SCEL: variants seen among roughly 807,000 people sequenced by gnomAD.
SCEL encodes sciellin.
In SCEL, 113 loss-of-function variants were observed where a neutral mutation model predicts 117.6. The observed-to-expected ratio is 0.96, with a 90% CI of 0.83 to 1.12. The LOEUF is 1.12. Ranked by LOEUF, SCEL falls within the 50% of genes most tolerant of loss-of-function variation. SCEL has a pLI of 0.00. For synonymous variants in SCEL, 270 were observed against 256.2 expected, an observed-to-expected ratio of 1.05 and a Z score of -0.51; for missense variants, 785 against 810.8, an observed-to-expected ratio of 0.97 and a Z score of 0.39.
chr13:77,599,138 A>G (rs914691016), intron 13 of SCEL, among the ~76,000 whole-genome samples, 191 bp from the exon 14 acceptor site: 7 of 152,146 alleles, frequency 4.6e-5, no homozygotes, highest in Non-Finnish European at 8.8e-5. Flanking sequence ...TATATCTTTT[A>G]TTTTGTTTTC....
At chr13:77,566,405 G>A (rs1329148040) in intron 5 of SCEL, among the ~76,000 whole-genome samples, 1 of 151,118 alleles carries the variant, frequency 6.6e-6, no homozygotes, top group Admixed American at 6.8e-5. Flanking sequence ...CTAGGTATGA[G>A]ACAAGGAAAG....
At chr13:77,570,105 T>G (rs1346880998) in intron 8 of SCEL, among the ~76,000 whole-genome samples, 1 of 152,228 alleles carries the variant, frequency 6.6e-6, no homozygotes, top group Admixed American at 6.5e-5. Flanking sequence ...TTTACAAACA[T>G]CAGTGCTTTT....
intron 11 of SCEL, among the ~76,000 whole-genome samples, chr13:77,593,102 T>A (rs1195580176): frequency 6.6e-6 from 1 of 152,180 alleles, no homozygotes; most frequent in Admixed American, 6.6e-5. Context: ...TTGAACTCAC[T>A]TCTGTGTTTA....
intron 29 of SCEL, 64 bp downstream of exon 29, chr13:77,634,514 T>C (rs2090180594): frequency 1.7e-6 from 2 of 1,164,178 alleles, no homozygotes; most frequent in Admixed American, 3.6e-5. Context: ...CTATGTTTAA[T>C]AAGAGATGCT....
intron 9 of SCEL, 152 bp downstream of exon 9, chr13:77,572,341 G>A: frequency 1.6e-6 from 1 of 621,888 alleles, no homozygotes; most frequent in South Asian, 1.7e-5. Flanking sequence ...GTGGTTGTAA[G>A]GTCAGGGCTA....
intron 27 of SCEL, among the ~76,000 whole-genome samples, chr13:77,624,193 C>T (rs1211003658): frequency 6.6e-6 from 1 of 151,436 alleles, no homozygotes. Flanking sequence ...CAGCCTCCTC[C>T]TCCCCCAGTT....
At chr13:77,597,024 T>C (rs994960090) in intron 12 of SCEL, 2 of 152,348 alleles carry the variant, frequency 1.3e-5, no homozygotes, top group African/African-American at 4.8e-5. Flanking sequence ...CCAGACTTAC[T>C]GATGAACAAA....
intron 12 of SCEL, among the ~76,000 whole-genome samples, chr13:77,594,069 C>T (rs1250352174): frequency 6.6e-6 from 1 of 152,142 alleles, no homozygotes; most frequent in Non-Finnish European, 1.5e-5. Flanking sequence ...TCTAAAATGT[C>T]CCTCATGTGT....
chr13:77,595,069 A>G (rs1241979236), intron 12 of SCEL, among the ~76,000 whole-genome samples: 1 of 152,288 alleles, frequency 6.6e-6, no homozygotes, highest in East Asian at 1.9e-4. Flanking sequence ...GGTGATCGGG[A>G]TATCTGAGAA....
intron 9 of SCEL, among the ~76,000 whole-genome samples, chr13:77,581,593 A>G (rs2086267307): frequency 6.6e-6 from 1 of 152,212 alleles, no homozygotes; most frequent in South Asian, 2.1e-4. Flanking sequence ...TCTAGGTTCA[A>G]AAGTAGGATA....
chr13:77,611,366 C>A (rs1005910121), intron 22 of SCEL, among the ~76,000 whole-genome samples: 3 of 152,182 alleles, frequency 2.0e-5, no homozygotes, highest in Non-Finnish European at 4.4e-5. Context: ...TGAAGAGAAT[C>A]AAATCTGACT....
At position 77,620,198 on chromosome 13, in the gene SCEL, A is replaced by G. The variant is rs184746632; in HGVS notation, c.1628+2138A>G. ...GAATCCACTGGGATGTTCAAGAATT[A>G]TCACAAAGCAGACAAACAGGAAAGA... On this transcript the variant is annotated intron_variant, in intron 27 of 32. Coordinates refer to ENST00000349847, the MANE Select transcript of SCEL (RefSeq NM_144777.3). Among the ~76,000 whole-genome samples the G allele has an allele frequency of 1.7e-3, 262 of 152,326 alleles. 2 individuals are homozygous for G. The highest frequency in any genetic ancestry group is 1.1e-3 in the Non-Finnish European group (78 of 68,018).
intron 1 of SCEL, among the ~76,000 whole-genome samples, chr13:77,546,147 G>A (rs991034389): frequency 1.3e-5 from 2 of 152,222 alleles, no homozygotes; most frequent in East Asian, 1.9e-4. Context: ...TCATTGGGGA[G>A]TGAGTTTTGA....
chr13:77,542,693 G>A (rs1019209248), intron 1 of SCEL, among the ~76,000 whole-genome samples: 13 of 152,140 alleles, frequency 8.5e-5, no homozygotes, highest in African/African-American at 3.1e-4. Context: ...GATTTAAATA[G>A]ACTTGTTAAT....
At chr13:77,611,207 T>C (rs2088621745) in intron 22 of SCEL, among the ~76,000 whole-genome samples, 1 of 152,178 alleles carries the variant, frequency 6.6e-6, no homozygotes, top group Non-Finnish European at 1.5e-5. Flanking sequence ...CTGCCAATAG[T>C]GTGAAAGCAG....
chr13:77,613,992 T>A, intron 24 of SCEL, 37 bp downstream of exon 24: 1 of 1,473,034 alleles, frequency 6.8e-7, no homozygotes, highest in Non-Finnish European at 9.5e-7. Flanking sequence ...TGTTTCTCGT[T>A]AAGTAAACCC....
chr13:77,622,682 T>G (rs901381278), intron 27 of SCEL, among the ~76,000 whole-genome samples: 6 of 152,100 alleles, frequency 3.9e-5, no homozygotes, highest in African/African-American at 7.2e-5. Flanking sequence ...GTTAGCATGG[T>G]GAGTCCCTGT....
At chr13:77,551,271 G>A (rs1225546866) in intron 1 of SCEL, among the ~76,000 whole-genome samples, 2 of 152,164 alleles carry the variant, frequency 1.3e-5, no homozygotes, top group Non-Finnish European at 2.9e-5. Flanking sequence ...CAGGGCGGGG[G>A]CTCAACCAGT....
intron 11 of SCEL, among the ~76,000 whole-genome samples, chr13:77,592,203 C>A (rs2086912745): frequency 6.6e-6 from 1 of 152,008 alleles, no homozygotes; most frequent in Non-Finnish European, 1.5e-5. Context: ...CAGAAGAGTG[C>A]CATTCTAAAA....
Sources: gnomAD v4.1 joint callset for allele counts (sites outside exome capture counted in the v4.1 genomes callset) on GRCh38, gnomAD v4.1.1 for gene constraint, MANE v1.5 for transcripts, NCBI Gene and HGNC (gene_info 2026-07-23, HGNC 2026-07-21) for gene names.